Variants in TNRC6A observed in about 807,000 individuals in gnomAD.
The protein encoded by TNRC6A is trinucleotide repeat-containing gene 6A protein.
In TNRC6A, 44 loss-of-function variants were observed where a neutral mutation model predicts 221.2. That is an observed-to-expected ratio of 0.20 (90% confidence interval 0.16 to 0.26). TNRC6A has a LOEUF of 0.26. Ranked by LOEUF, TNRC6A falls within the 10% of genes least tolerant of loss-of-function variation. TNRC6A has a pLI of 1.00. For missense variants in TNRC6A, 2,199 were observed against 2,404.4 expected (o/e 0.91, Z 1.79); for synonymous variants, 847 against 838.5 (o/e 1.01, Z -0.18).
chr16:24,789,198 C>T, intron 5 of TNRC6A, 34 bp from the exon 6 acceptor site: 2 of 1,528,738 alleles, frequency 1.3e-6, no homozygotes, highest in Non-Finnish European at 1.8e-6. Context: ...TGGCCTAACA[C>T]TTTATAAATA....
At chr16:24,796,141 G>T in intron 9 of TNRC6A, 1 of 488,618 alleles carries the variant, frequency 2.0e-6, no homozygotes, top group Non-Finnish European at 3.6e-6. Context: ...AGAAGTGTCA[G>T]CTTGAATTTG....
At chr16:24,796,544 C>T (rs1434494922) in intron 9 of TNRC6A, among the ~76,000 whole-genome samples, 1 of 151,986 alleles carries the variant, frequency 6.6e-6, no homozygotes, top group Non-Finnish European at 1.5e-5. Context: ...GCATTTCAGT[C>T]AGAATAGAAA....
rs1212943523 is a variant in TNRC6A, at chr16:24,752,610, A to G, written c.141+1797A>G. Among the ~76,000 whole-genome samples the G allele has an allele frequency of 2.0e-5, 3 of 152,196 alleles. No individual in the cohort carries two copies. In the East Asian group the frequency reaches 5.8e-4, roughly 29 times the overall value. ...GCAGTCTGGTCGGTCATTGCTCGAG[A>G]TTTCTTATGAGAAAGTTGTGTCCTC... On this transcript the variant is annotated intron_variant, in intron 3 of 24. Transcript: ENST00000395799.
intron 2 of TNRC6A, among the ~76,000 whole-genome samples, chr16:24,677,972 C>T (rs1214370830): frequency 6.6e-6 from 1 of 152,088 alleles, no homozygotes; most frequent in Non-Finnish European, 1.5e-5. Context: ...AATCCCCTCC[C>T]CATGACGTGA....
chr16:24,752,358 T>C (rs548185377), intron 3 of TNRC6A, among the ~76,000 whole-genome samples: 1 of 152,200 alleles, frequency 6.6e-6, no homozygotes, highest in African/African-American at 2.4e-5. Context: ...GTTCTGCATG[T>C]CCTGAGCCTA....
intron 4 of TNRC6A, among the ~76,000 whole-genome samples, chr16:24,770,394 TC>T (rs2057565898): frequency 6.6e-6 from 1 of 152,038 alleles, no homozygotes; most frequent in South Asian, 2.1e-4. Flanking sequence ...GGGGCAGGGA[TC>T]AAGACTTGAG....
At chr16:24,682,086 A>G (rs545906695) in intron 2 of TNRC6A, among the ~76,000 whole-genome samples, 8 of 152,166 alleles carry the variant, frequency 5.3e-5, no homozygotes, top group Non-Finnish European at 8.8e-5. Context: ...GGGGAATTGG[A>G]GAGTGGCTAT....
chr16:24,790,350 G>A lies in TNRC6A; in HGVS notation c.1708G>A (p.Gly570Arg), dbSNP rs555251368. The A allele has an allele frequency of 6.2e-6, 10 of 1,614,222 alleles. No individual in the cohort carries two copies. The East Asian group carries it at 1.6e-4, about 25-fold the overall frequency. The change falls in exon 6 of 25, where the codon GGA (glycine) becomes AGA (arginine). Residue 570 changes from glycine (G) to arginine (R), a missense_variant. This residue lies in a region of TNRC6A where 1,405 missense variants were observed against 1,400.2 expected (regional missense o/e 1.00). Coordinates refer to ENST00000395799, the MANE Select transcript of TNRC6A (RefSeq NM_014494.4). ...GTNFQVNTNK[G>R]GGVWESGAAN... ...TAACTTTCAAGTTAACACAAACAAA[G>A]GAGGTGGTGTGTGGGAATCTGGTGC...
chr16:24,771,530 TTA>T (rs1188342874), intron 4 of TNRC6A, among the ~76,000 whole-genome samples: 2 of 97,020 alleles, frequency 2.1e-5, no homozygotes, highest in Non-Finnish European at 2.0e-5. Flanking sequence ...TTATGTTATG[TTA>T]TGTTATGTTA....
intron 18 of TNRC6A, among the ~76,000 whole-genome samples, chr16:24,812,352 C>T (rs544501352): frequency 2.6e-5 from 4 of 152,048 alleles, no homozygotes; most frequent in South Asian, 4.2e-4. Context: ...AGGCCCAGCC[C>T]GGAATTTTTC....
At chr16:24,703,380 A>T (rs190850591) in intron 2 of TNRC6A, among the ~76,000 whole-genome samples, 1 of 151,960 alleles carries the variant, frequency 6.6e-6, no homozygotes, top group African/African-American at 2.4e-5. Context: ...TCAGTACTCA[A>T]CTCCTTTTTA....
chr16:24,742,346 AGG>A (rs2151304031), intron 2 of TNRC6A, among the ~76,000 whole-genome samples: 1 of 152,340 alleles, frequency 6.6e-6, no homozygotes, highest in Non-Finnish European at 1.5e-5. Flanking sequence ...ATTTGGACCC[AGG>A]GGTCTTCACT....
intron 2 of TNRC6A, among the ~76,000 whole-genome samples, chr16:24,738,144 C>G (rs745979686): frequency 6.6e-6 from 1 of 152,176 alleles, no homozygotes; most frequent in Non-Finnish European, 1.5e-5. Context: ...TTCCCAGTGA[C>G]TCTGGAATTA....
At chr16:24,777,972 A>G (rs935323800) in intron 5 of TNRC6A, among the ~76,000 whole-genome samples, 16 of 152,180 alleles carry the variant, frequency 1.1e-4, no homozygotes, top group African/African-American at 3.9e-4. Flanking sequence ...ATGTTCTGGA[A>G]AGTTTTGATG....
At chr16:24,711,000 C>T (rs572815749) in intron 2 of TNRC6A, among the ~76,000 whole-genome samples, 16 of 152,160 alleles carry the variant, frequency 1.1e-4, no homozygotes, top group African/African-American at 3.4e-4. Flanking sequence ...CTTAGCCTCC[C>T]GAGTAGCTGG....
In TNRC6A at chr16:24,819,049, C is replaced by T. The variant is rs183629518; in HGVS notation, c.5080+349C>T. On this transcript the variant is annotated intron_variant, in intron 21 of 24. Transcript: ENST00000395799. Reference sequence around the variant, plus strand: ...CATAGACTGATACTTTTGTAAAATACGGTAAACATGAATTCTGAATTGCTA... The same window carrying T: ...CATAGACTGATACTTTTGTAAAATATGGTAAACATGAATTCTGAATTGCTA... 2.3e-3 allele frequency among the ~76,000 whole-genome samples: 341 copies of T among 151,420 alleles called. 2 individuals carry two copies. Among genetic ancestry groups the T allele is most frequent in the African/African-American group, 7.9e-3 (325 of 41,308 alleles).
chr16:24,619,479 C>T (rs188180633), intron 1 of TNRC6A, among the ~76,000 whole-genome samples: 224 of 152,248 alleles, frequency 1.5e-3, no homozygotes, highest in Non-Finnish European at 2.6e-3. Context: ...CAATCAGATA[C>T]AATGTAGTAA....
At chr16:24,818,175 T>C (rs987022325) in intron 20 of TNRC6A, among the ~76,000 whole-genome samples, 1 of 152,196 alleles carries the variant, frequency 6.6e-6, no homozygotes, top group Non-Finnish European at 1.5e-5. Context: ...GCCTGTTCAC[T>C]AGTAGTGTCT....
intron 4 of TNRC6A, among the ~76,000 whole-genome samples, chr16:24,759,674 A>G (rs1457997160): frequency 6.6e-6 from 1 of 152,192 alleles, no homozygotes; most frequent in Non-Finnish European, 1.5e-5. Flanking sequence ...GTGGAAATTT[A>G]ACTTTGCCAG....
Sources: gnomAD v4.1 joint callset for allele counts (sites outside exome capture counted in the v4.1 genomes callset) on GRCh38, gnomAD v4.1.1 for gene constraint, gnomAD v4.1.1 regional missense constraint, MANE v1.5 for transcripts, NCBI Gene and HGNC (gene_info 2026-07-23, HGNC 2026-07-21) for gene names.